GRIA1: variants seen among roughly 807,000 people sequenced by gnomAD.
The protein encoded by GRIA1 is glutamate receptor 1.
A neutral mutation model predicts 99.2 loss-of-function variants in GRIA1; 31 were observed. The ratio of observed to expected loss-of-function variants is 0.31; its 90% CI spans 0.23 to 0.42. The LOEUF (loss-of-function observed/expected upper bound fraction) is 0.42, where lower values mean the gene tolerates loss of function less well. Among genes scored for constraint, GRIA1 ranks in the 10% least tolerant of loss-of-function variants. The pLI, the probability that GRIA1 is intolerant of heterozygous loss-of-function variation, is 1.00. For missense variants in GRIA1, 782 were observed against 1,157.5 expected (o/e 0.68, Z 4.71); for synonymous variants, 438 against 432.4 (o/e 1.01, Z -0.16).
chr5:153,493,907 T>G (rs748376234), intron 1 of GRIA1, 21 bp from the exon 2 acceptor site: 2 of 1,613,572 alleles, frequency 1.2e-6, no homozygotes, highest in South Asian at 2.2e-5. Context: ...ATATACCATG[T>G]TGCATTTTCT....
rs910810777 is a variant in GRIA1 at position 153,587,662 on chromosome 5, A to C, written c.221-59266A>C. Among the ~76,000 whole-genome samples, 28 of 152,220 alleles carry C rather than the reference A, an allele frequency of 1.8e-4. No homozygotes were observed. In the East Asian group the frequency reaches 4.6e-3, roughly 25 times the overall value. ...CTTTCCCTTCATCTCCACAGCTATC[A>C]TTCTGGTCCAAGATATGGGTCTATT... is the stretch of plus-strand genomic sequence containing the variant. On this transcript the variant is annotated intron_variant, in intron 2 of 15. Coordinates refer to ENST00000285900, the MANE Select transcript of GRIA1 (RefSeq NM_000827.4).
intron 2 of GRIA1, among the ~76,000 whole-genome samples, chr5:153,499,896 C>T (rs17515563): frequency 0.24 from 36,795 of 152,046 alleles, 5,797 homozygotes; most frequent in Non-Finnish European, 0.35. Flanking sequence ...CTCCCCTCAA[C>T]CACTGCTGCA....
chr5:153,803,298 A>T (rs923140656), intron 15 of GRIA1, among the ~76,000 whole-genome samples: 5 of 152,234 alleles, frequency 3.3e-5, no homozygotes, highest in African/African-American at 1.2e-4. Context: ...AAGAATATGG[A>T]TTCAAGCATC....
intron 3 of GRIA1, 99 bp from the exon 4 acceptor site, chr5:153,650,231 G>T: frequency 1.0e-6 from 1 of 996,338 alleles, no homozygotes. Context: ...AGAAGAGTGG[G>T]TTTGGGGGTA....
At chr5:153,696,390 G>A (rs1160689654) in intron 8 of GRIA1, among the ~76,000 whole-genome samples, 2 of 152,160 alleles carry the variant, frequency 1.3e-5, no homozygotes, top group Non-Finnish European at 2.9e-5. Flanking sequence ...TGCAGCCTCT[G>A]GAGAGAGATT....
At chr5:153,730,907 C>G (rs570736998) in intron 11 of GRIA1, among the ~76,000 whole-genome samples, 5 of 152,186 alleles carry the variant, frequency 3.3e-5, no homozygotes, top group African/African-American at 1.2e-4. Context: ...AACCCTGTAA[C>G]CTAGCTTTAA....
chr5:153,753,729 G>A (rs1762642978), intron 11 of GRIA1, among the ~76,000 whole-genome samples: 1 of 151,088 alleles, frequency 6.6e-6, no homozygotes, highest in Admixed American at 6.6e-5. Context: ...AAATACCCAG[G>A]GGGGTTTGGG....
chr5:153,592,607 C>T lies in GRIA1; in HGVS notation c.221-54321C>T, dbSNP rs549818237. 2.6e-5 allele frequency among the ~76,000 whole-genome samples: 4 copies of T among 152,298 alleles called. No individual in the cohort carries two copies. In the South Asian group the frequency reaches 8.3e-4, roughly 32 times the overall value. The stretch of plus-strand genomic sequence containing the variant: ...TAAGACAAAATTCAACATTCTCTTC[C>T]CTCCTCCCTTTCTATCTTGGATTCC... On this transcript the variant is annotated intron_variant, in intron 2 of 15. Coordinates refer to ENST00000285900, the MANE Select transcript of GRIA1 (RefSeq NM_000827.4).
intron 2 of GRIA1, among the ~76,000 whole-genome samples, chr5:153,497,919 G>A (rs1254380297): frequency 6.6e-6 from 1 of 152,186 alleles, no homozygotes; most frequent in Non-Finnish European, 1.5e-5. Flanking sequence ...TTTGTATGGA[G>A]TATTGAAGAT....
chr5:153,585,500 G>T (rs1351626208), intron 2 of GRIA1, among the ~76,000 whole-genome samples: 1 of 151,506 alleles, frequency 6.6e-6, no homozygotes, highest in African/African-American at 2.4e-5. Context: ...GTAGAGACAG[G>T]GTTTCACCAT....
intron 13 of GRIA1, among the ~76,000 whole-genome samples, chr5:153,792,288 C>G (rs750184365): frequency 6.6e-6 from 1 of 152,202 alleles, no homozygotes; most frequent in Non-Finnish European, 1.5e-5. Flanking sequence ...TCTACTTTCT[C>G]TAAACACTTC....
chr5:153,719,742 A>G (rs1759923590), intron 11 of GRIA1, among the ~76,000 whole-genome samples: 1 of 152,192 alleles, frequency 6.6e-6, no homozygotes, highest in Non-Finnish European at 1.5e-5. Flanking sequence ...AAGGGTCAGC[A>G]TCGCATTGTA....
At chr5:153,756,113 G>T (rs1463506140) in intron 11 of GRIA1, among the ~76,000 whole-genome samples, 1 of 152,226 alleles carries the variant, frequency 6.6e-6, no homozygotes, top group African/African-American at 2.4e-5. Context: ...CCCAACAGCT[G>T]CAGGCCCAGC....
At chr5:153,712,546 C>T (rs1289411492) in intron 11 of GRIA1, among the ~76,000 whole-genome samples, 1 of 147,498 alleles carries the variant, frequency 6.8e-6, no homozygotes, top group East Asian at 1.9e-4. Flanking sequence ...GTCCTCCCAT[C>T]CCAGCAAGAG....
chr5:153,719,202 G>T (rs1022511555), intron 11 of GRIA1, among the ~76,000 whole-genome samples: 2 of 152,148 alleles, frequency 1.3e-5, no homozygotes, highest in African/African-American at 2.4e-5. Flanking sequence ...TTAGGCCTGG[G>T]CTTAGTTCTG....
chr5:153,495,559 G>A (rs559308377), intron 2 of GRIA1, among the ~76,000 whole-genome samples: 1 of 152,276 alleles, frequency 6.6e-6, no homozygotes, highest in East Asian at 1.9e-4. Context: ...GTCTAATAAA[G>A]TACCTAAGGA....
intron 2 of GRIA1, among the ~76,000 whole-genome samples, chr5:153,584,643 C>T (rs761164139): frequency 6.6e-6 from 1 of 152,176 alleles, no homozygotes; most frequent in Non-Finnish European, 1.5e-5. Flanking sequence ...TTAGGGAGTG[C>T]ATATTTTTCT....
intron 5 of GRIA1, among the ~76,000 whole-genome samples, chr5:153,665,760 G>T (rs964139562): frequency 6.6e-6 from 1 of 152,082 alleles, no homozygotes; most frequent in Non-Finnish European, 1.5e-5. Flanking sequence ...ATGGAATCTT[G>T]GGGGAGAACT....
chr5:153,686,329 G>A lies in GRIA1; in HGVS notation c.1134G>A (p.Lys378=), dbSNP rs1299953702. 6.2e-7 allele frequency: 1 copy of A among 1,609,812 alleles called. No homozygotes were observed. Among genetic ancestry groups the A allele is most frequent in the South Asian group, 1.1e-5 (1 of 90,962 alleles). Residue 378 remains lysine, a splice_region_variant and synonymous_variant, in exon 8 of 16, where the codon AAG becomes AAA. Coordinates refer to ENST00000285900, the MANE Select transcript of GRIA1 (RefSeq NM_000827.4). ...AAATGAAACATGACGGCATCCGAAA[G>A]GTAAGGTCCCCCTTTACTTCTGTTC... ...VIEMKHDGIR[K]IGYWNEDDKF...
Sources: allele counts gnomAD v4.1 joint callset (sites outside exome capture counted in the v4.1 genomes callset), GRCh38; gene constraint gnomAD v4.1.1; transcripts MANE v1.5; gene names NCBI Gene and HGNC (gene_info 2026-07-23, HGNC 2026-07-21).